Variants in SEMA4F observed in about 807,000 individuals in gnomAD.
SEMA4F encodes ssemaphorin 4F, also known as semaphorin-4F.
In SEMA4F, 51 loss-of-function variants were observed where a neutral mutation model predicts 78.4. That is an observed-to-expected ratio of 0.65 (90% CI 0.52 to 0.82). The LOEUF (loss-of-function observed/expected upper bound fraction) is 0.82, where lower values mean the gene tolerates loss of function less well. SEMA4F is among the 40% of genes least tolerant of loss of function. The probability of loss-of-function intolerance (pLI) is 0.00; values close to 1 mark genes in which losing one functional copy is unlikely to be tolerated. For missense variants in SEMA4F, 938 were observed against 1,014.4 expected (o/e 0.92, Z 1.02); for synonymous variants, 418 against 408.7 (o/e 1.02, Z -0.27).
Position 74,682,527 on chromosome 2 carries a change from C to A in SEMA4F, c.*2318C>A, listed in dbSNP as rs1429987033. 1 of 152,124 alleles carries A rather than the reference C, an allele frequency of 6.6e-6. No individual in the cohort carries two copies. The highest frequency in any genetic ancestry group is 2.4e-5 in the African/African-American group (1 of 41,384). The allele number at this position is 152,124 out of a possible 1,614,324, so 9.4% of individuals were successfully genotyped here. A position where few individuals can be genotyped will look rare whatever the true frequency, so the allele number is the denominator to read the frequency against. ...TGTTCTGGGTCACCTCTGGACAGCT[C>A]ATAGCTGCTGGTTTCTAGGTTTTAG... On this transcript the variant is annotated 3_prime_UTR_variant, in exon 14 of 14. Coordinates refer to ENST00000357877, the MANE Select transcript of SEMA4F (RefSeq NM_004263.5).
chr2:74,670,535 C>T (rs1293115395), intron 5 of SEMA4F, among the ~76,000 whole-genome samples: 3 of 152,214 alleles, frequency 2.0e-5, no homozygotes, highest in Non-Finnish European at 4.4e-5. Context: ...CTATCTACTG[C>T]TGTGTCTTTG....
the SEMA4F span, among the ~76,000 whole-genome samples, chr2:74,698,270 GA>G: frequency 6.6e-6 from 1 of 152,240 alleles, no homozygotes; most frequent in Non-Finnish European, 1.5e-5. Flanking sequence ...GCAAGTCAGA[GA>G]AATCTGTTCA....
chr2:74,697,649 A>G, the SEMA4F span, among the ~76,000 whole-genome samples: 2 of 152,154 alleles, frequency 1.3e-5, no homozygotes, highest in Non-Finnish European at 2.9e-5. Flanking sequence ...GGTGCAGATC[A>G]TTCAGAGGGA....
rs766482654 is a variant in SEMA4F, at chr2:74,679,788, A to T, written c.1892A>T (p.Gln631Leu). 1.2e-6 allele frequency: 2 copies of T among 1,614,048 alleles called. No individual in the cohort carries two copies. Among genetic ancestry groups the T allele is most frequent in the Non-Finnish European group, 1.7e-6 (2 of 1,180,040 alleles). ...ATGGGCGCTTATGCCTGTGAATGTCAGGAGGGTGGGGCAGCCCATGTGGTA... is the reference window on the plus strand; with the variant it reads ...ATGGGCGCTTATGCCTGTGAATGTCTGGAGGGTGGGGCAGCCCATGTGGTA... ...GAMGAYACEC[Q>L]EGGAAHVVAA... The change falls in exon 14 of 14, where the codon CAG becomes CTG. Residue 631 changes from glutamine (Q) to leucine (L), a missense_variant. By Grantham distance (113) the Gln-to-Leu change is moderately radical. Coordinates refer to ENST00000357877, the MANE Select transcript of SEMA4F (RefSeq NM_004263.5).
chr2:74,654,654 G>T (rs933504758), intron 1 of SEMA4F, 133 bp downstream of exon 1: 7 of 731,550 alleles, frequency 9.6e-6, no homozygotes, highest in African/African-American at 3.8e-5. Flanking sequence ...CCCACGCCCC[G>T]CCGGGACCGG....
the SEMA4F span, among the ~76,000 whole-genome samples, chr2:74,699,288 G>A: frequency 1.4e-4 from 22 of 152,118 alleles, no homozygotes; most frequent in Non-Finnish European, 1.9e-4. Flanking sequence ...ACCCCTTGGG[G>A]TACACACAGA....
rs1490373847 is a variant in SEMA4F at position 74,683,268 on chromosome 2, CAAGT to C, written c.*3063_*3066del. ...TTCATTAGGCACGTTGCATGTCTGT[CAAGT>C]AAGGGCCACTAATCACCTCACATGG... On this transcript the variant is annotated 3_prime_UTR_variant, in exon 14 of 14. Transcript: ENST00000357877. The C allele has an allele frequency of 6.6e-6, 1 of 152,186 alleles. No individual in the cohort carries two copies. The highest frequency in any genetic ancestry group is 1.5e-5 in the Non-Finnish European group (1 of 68,032). 9.4% of individuals were successfully genotyped at this position (152,186 alleles called of 1,614,324 possible).
At chr2:74,655,831 A>G (rs1684105721) in intron 1 of SEMA4F, among the ~76,000 whole-genome samples, 1 of 152,064 alleles carries the variant, frequency 6.6e-6, no homozygotes, top group Admixed American at 6.6e-5. Context: ...CTAGGAATGA[A>G]TGGGTTGGTG....
chr2:74,686,384 C>T (rs10184653), downstream of SEMA4F, among the ~76,000 whole-genome samples: 1 of 152,038 alleles, frequency 6.6e-6, no homozygotes, highest in Admixed American at 6.6e-5. Flanking sequence ...CAGGCGTGAG[C>T]CACCATGCCC....
chr2:74,656,446 A>G, intron 1 of SEMA4F, 88 bp from the exon 2 acceptor site: 1 of 1,408,772 alleles, frequency 7.1e-7, no homozygotes. Flanking sequence ...ACTTGGAAGA[A>G]AACAAAAATT....
At chr2:74,709,238 C>T in the SEMA4F span, among the ~76,000 whole-genome samples, 1 of 152,132 alleles carries the variant, frequency 6.6e-6, no homozygotes, top group Admixed American at 6.5e-5. Context: ...AGAAATGACA[C>T]CTTGCACAGA....
the SEMA4F span, among the ~76,000 whole-genome samples, chr2:74,693,101 A>G: frequency 6.6e-6 from 1 of 152,240 alleles, no homozygotes; most frequent in Non-Finnish European, 1.5e-5. Flanking sequence ...AGGGATATAA[A>G]TAGATATTTT....
At position 74,679,605 on chromosome 2, in the gene SEMA4F, C is replaced by T. The variant is rs750606385; in HGVS notation, c.1709C>T (p.Pro570Leu). 1.9e-6 allele frequency: 3 copies of T among 1,601,194 alleles called. No individual in the cohort carries two copies. Among genetic ancestry groups the T allele is most frequent in the Non-Finnish European group, 2.6e-6 (3 of 1,172,914 alleles). ...SLCPKEPGER[P>L]VVFEVPVATA... is the part of the protein sequence containing the mutation. ...CCTTTGCTGTTTCTCACAGAACGTCCAGTAGTGTTTGAAGTTCCCGTGGCT... is the reference window on the plus strand; with the variant it reads ...CCTTTGCTGTTTCTCACAGAACGTCTAGTAGTGTTTGAAGTTCCCGTGGCT... Residue 570 changes from proline (P) to leucine (L), a missense_variant, in exon 14 of 14, where the codon CCA becomes CTA. By Grantham distance (98) the Pro-to-Leu change is moderately conservative. Transcript: ENST00000357877.
intron 4 of SEMA4F, among the ~76,000 whole-genome samples, chr2:74,659,892 T>A (rs1027652447): frequency 6.6e-6 from 1 of 152,190 alleles, no homozygotes; most frequent in Non-Finnish European, 1.5e-5. Flanking sequence ...GGTTCTTACA[T>A]AAAGGAAATT....
intron 12 of SEMA4F, among the ~76,000 whole-genome samples, chr2:74,678,069 G>A (rs1003245033): frequency 6.6e-6 from 1 of 152,162 alleles, no homozygotes; most frequent in South Asian, 2.1e-4. Context: ...TGCATTTTTG[G>A]TTAAGAACTT....
chr2:74,661,764 G>C (rs1327096207), intron 4 of SEMA4F, among the ~76,000 whole-genome samples: 3 of 152,162 alleles, frequency 2.0e-5, no homozygotes, highest in Non-Finnish European at 4.4e-5. Context: ...TGGGCCAGTA[G>C]TACACTTATT....
At chr2:74,684,382 T>C (rs1685765719), downstream of SEMA4F, among the ~76,000 whole-genome samples, 1 of 152,086 alleles carries the variant, frequency 6.6e-6, no homozygotes, top group South Asian at 2.1e-4. Context: ...CCCACACTTT[T>C]AGTGGCTTAA....
In SEMA4F at chr2:74,679,712, G is replaced by A; in HGVS notation, c.1816G>A (p.Ala606Thr). ...GTGGCACCAGCCCAGTGGAGTGACT[G>A]CACTCACCCCCCGGCGGGATGGACT... is the stretch of plus-strand genomic sequence containing the variant. ...CVWHQPSGVT[A>T]LTPRRDGLEV... The change falls in exon 14 of 14, where the codon GCA (alanine) becomes ACA (threonine). Residue 606 changes from alanine to threonine, a missense_variant. Physicochemically the swap from Ala to Thr is moderately conservative, Grantham distance 58 (BLOSUM62 0). Transcript: ENST00000357877. 3 of 1,614,152 alleles carry A rather than the reference G, an allele frequency of 1.9e-6. No individual in the cohort carries two copies. Among genetic ancestry groups the A allele is most frequent in the African/African-American group, 1.3e-5 (1 of 75,070 alleles).
chr2:74,690,783 A>G, the SEMA4F span, among the ~76,000 whole-genome samples: 1 of 152,206 alleles, frequency 6.6e-6, no homozygotes, highest in Non-Finnish European at 1.5e-5. Flanking sequence ...TTTTTCCCCA[A>G]GAATAGCCTG....
Sources: gnomAD v4.1 joint callset for allele counts (sites outside exome capture counted in the v4.1 genomes callset) on GRCh38, gnomAD v4.1.1 for gene constraint, MANE v1.5 for transcripts, NCBI Gene and HGNC (gene_info 2026-07-23, HGNC 2026-07-21) for gene names.